The following MXI1 variants were observed in gnomAD, a reference collection of about 807,000 sequenced individuals.
MXI1 encodes MAX interactor 1, dimerization protein.
In MXI1, 18 loss-of-function variants were observed where a neutral mutation model predicts 36.9. The observed-to-expected ratio is 0.49, with a 90% confidence interval of 0.34 to 0.72. The LOEUF is 0.72. Ranked by LOEUF, MXI1 falls within the 30% of genes least tolerant of loss-of-function variation. The pLI is 0.01. For synonymous variants in MXI1, 160 were observed against 146.7 expected, an observed-to-expected ratio of 1.09 and a Z score of -0.65; for missense variants, 304 against 379.1, an observed-to-expected ratio of 0.80 and a Z score of 1.64.
intron 2 of MXI1, among the ~76,000 whole-genome samples, chr10:110,228,593 G>A (rs1855145802): frequency 6.6e-6 from 1 of 152,162 alleles, no homozygotes; most frequent in Admixed American, 6.5e-5. Context: ...GTCCATGCAT[G>A]CAGCCACCTG....
intron 3 of MXI1, among the ~76,000 whole-genome samples, chr10:110,273,003 G>A (rs959638447): frequency 6.7e-6 from 1 of 148,754 alleles, no homozygotes; most frequent in Non-Finnish European, 1.5e-5. Flanking sequence ...TGAAACATAC[G>A]ATTATCAAAT....
intron 3 of MXI1, among the ~76,000 whole-genome samples, chr10:110,262,884 C>T (rs1473419157): frequency 6.6e-6 from 1 of 152,098 alleles, no homozygotes; most frequent in Non-Finnish European, 1.5e-5. Flanking sequence ...AAAGTGTTTC[C>T]TGATTATCCA....
chr10:110,252,514 C>G (rs1856132431), intron 3 of MXI1, among the ~76,000 whole-genome samples: 1 of 152,064 alleles, frequency 6.6e-6, no homozygotes. Context: ...TTATTTAGTT[C>G]TCAACTCTCA....
chr10:110,208,169 TCC>T, intron 1 of MXI1, 87 bp downstream of exon 1: 2 of 1,233,388 alleles, frequency 1.6e-6, no homozygotes, highest in Non-Finnish European at 2.2e-6. Flanking sequence ...GCTCGGCCCG[TCC>T]CCCCCCCGCC....
chr10:110,232,612 AAACATTT>A (rs1160266422), intron 2 of MXI1, among the ~76,000 whole-genome samples: 1 of 152,212 alleles, frequency 6.6e-6, no homozygotes, highest in Non-Finnish European at 1.5e-5. Context: ...TCTTCTGCTT[AAACATTT>A]ATCCCTAGTA....
At chr10:110,214,294 G>A (rs901133626) in intron 1 of MXI1, among the ~76,000 whole-genome samples, 1 of 152,134 alleles carries the variant, frequency 6.6e-6, no homozygotes, top group African/African-American at 2.4e-5. Flanking sequence ...CTTAGAAAAG[G>A]TTTCGAAGTG....
chr10:110,249,456 G>C (rs1428954764), intron 3 of MXI1, among the ~76,000 whole-genome samples: 1 of 151,774 alleles, frequency 6.6e-6, no homozygotes, highest in East Asian at 1.9e-4. Context: ...GTGCATCCTT[G>C]TAATCCCAAC....
At chr10:110,259,171 C>T (rs1462593746) in intron 3 of MXI1, among the ~76,000 whole-genome samples, 2 of 151,990 alleles carry the variant, frequency 1.3e-5, no homozygotes, top group African/African-American at 4.8e-5. Flanking sequence ...CAAGTGATTG[C>T]AGAGTGCCTA....
At chr10:110,236,090 T>C (rs1855458071) in intron 2 of MXI1, among the ~76,000 whole-genome samples, 1 of 150,926 alleles carries the variant, frequency 6.6e-6, no homozygotes, top group Non-Finnish European at 1.5e-5. Flanking sequence ...TTAGAGTTAA[T>C]TTTTGTAGAG....
rs775254974 is a variant in MXI1, at chr10:110,284,804, T to TTG, written c.725-19_725-18insGT. On this transcript the variant is annotated intron_variant, in intron 5 of 5. Coordinates refer to ENST00000332674, the MANE Select transcript of MXI1 (RefSeq NM_130439.3). ...ATACTCGATAATTAATGTTCTTCTTTTTTTTTTTTCCTTTGGCAGAGGAGA... is the reference window on the plus strand; with the variant it reads ...ATACTCGATAATTAATGTTCTTCTTTTGTTTTTTTTTCCTTTGGCAGAGGAGA... 2.4e-5 allele frequency: 28 copies of TTG among 1,163,360 alleles called. No homozygotes were observed. Among genetic ancestry groups the TTG allele is most frequent in the Non-Finnish European group, 3.1e-5 (27 of 879,866 alleles). 72.1% of individuals were successfully genotyped at this position (1,163,360 alleles called of 1,614,324 possible).
chr10:110,255,748 A>C (rs966783506), intron 3 of MXI1, among the ~76,000 whole-genome samples: 1 of 152,168 alleles, frequency 6.6e-6, no homozygotes, highest in African/African-American at 2.4e-5. Flanking sequence ...TACTTTCCAA[A>C]TTGATCTATA....
chr10:110,218,135 A>C (rs562101134), intron 1 of MXI1, among the ~76,000 whole-genome samples: 18 of 152,140 alleles, frequency 1.2e-4, no homozygotes, highest in Non-Finnish European at 2.5e-4. Flanking sequence ...CCAGGGAGTA[A>C]GAAATGTGCA....
In MXI1 at chr10:110,207,956, C is replaced by G. The variant is rs1401407196; in HGVS notation, c.148C>G (p.Pro50Ala). The change falls in exon 1 of 6, where the codon CCC becomes GCC. Residue 50 changes from proline (P) to alanine (A), a missense_variant. Physicochemically the swap from Pro to Ala is conservative, Grantham distance 27. Around this residue, in one of 2 missense-constraint regions of MXI1, gnomAD observed 179 missense variants for 184.8 expected, o/e 0.97. Transcript: ENST00000332674. ...EDPAGAKPRC[P>A]FSDIFNTSEN... ...CCCCGCTGGGGCCAAGCCCAGGTGC[C>G]CCTTCTCAGACATTTTCAACACCAG... The G allele has an allele frequency of 6.3e-7, 1 of 1,595,724 alleles. No individual in the cohort carries two copies. Among genetic ancestry groups the G allele is most frequent in the East Asian group, 2.3e-5 (1 of 42,554 alleles).
chr10:110,230,163 A>T (rs1329129724), intron 2 of MXI1, among the ~76,000 whole-genome samples: 1 of 152,228 alleles, frequency 6.6e-6, no homozygotes, highest in African/African-American at 2.4e-5. Context: ...AGGATTATAG[A>T]GGCATAAATA....
intron 2 of MXI1, among the ~76,000 whole-genome samples, chr10:110,229,348 A>G (rs1855176052): frequency 6.6e-6 from 1 of 152,182 alleles, no homozygotes; most frequent in Non-Finnish European, 1.5e-5. Flanking sequence ...TGGGTAACCA[A>G]ATTTCCCTGA....
chr10:110,254,275 T>C (rs1431240470), intron 3 of MXI1, among the ~76,000 whole-genome samples: 1 of 152,142 alleles, frequency 6.6e-6, no homozygotes, highest in Non-Finnish European at 1.5e-5. Flanking sequence ...TCTGTAATCT[T>C]TGATGTTATT....
intron 3 of MXI1, among the ~76,000 whole-genome samples, chr10:110,252,902 T>C (rs1232994586): frequency 6.6e-6 from 1 of 152,150 alleles, no homozygotes; most frequent in East Asian, 1.9e-4. Context: ...ATAAATTATA[T>C]GAGAAAACTT....
chr10:110,241,251 T>C (rs1891375), intron 2 of MXI1, among the ~76,000 whole-genome samples: 81,874 of 151,730 alleles, frequency 0.54, 25,840 homozygotes, highest in African/African-American at 0.85. Flanking sequence ...AGTTGTTAAG[T>C]GTTCAGGGTA....
At chr10:110,210,195 C>T (rs939799683) in intron 1 of MXI1, 19 of 965,386 alleles carry the variant, frequency 2.0e-5, no homozygotes, top group Middle Eastern at 5.2e-4. Flanking sequence ...AACCGGGCTC[C>T]AGAGGCTGGT....
Sources: gnomAD v4.1 joint callset for allele counts (sites outside exome capture counted in the v4.1 genomes callset) on GRCh38, gnomAD v4.1.1 for gene constraint, gnomAD v4.1.1 regional missense constraint, MANE v1.5 for transcripts, NCBI Gene and HGNC (gene_info 2026-07-23, HGNC 2026-07-21) for gene names.